Variants in ASAP1 observed in about 807,000 individuals in gnomAD.
ASAP1 encodes the protein ArfGAP with SH3 domain, ankyrin repeat and PH domain 1.
A neutral mutation model predicts 145.2 loss-of-function variants in ASAP1; 43 were observed. The ratio of observed to expected loss-of-function variants is 0.30; its 90% CI spans 0.23 to 0.38. ASAP1 has a LOEUF of 0.38. ASAP1 is among the 10% of genes least tolerant of loss of function. The pLI, the probability that ASAP1 is intolerant of heterozygous loss-of-function variation, is 1.00. For synonymous variants in ASAP1, 546 were observed against 515.5 expected, an observed-to-expected ratio of 1.06 and a Z score of -0.80; for missense variants, 1,018 against 1,355.3, an observed-to-expected ratio of 0.75 and a Z score of 3.91.
chr8:130,405,323 T>G (rs1230086278), intron 1 of ASAP1, among the ~76,000 whole-genome samples: 1 of 152,062 alleles, frequency 6.6e-6, no homozygotes, highest in Non-Finnish European at 1.5e-5. Context: ...TCCAAGACAG[T>G]GTGTGGCAGA....
chr8:130,072,814 T>TGG (rs1564927890), intron 27 of ASAP1, among the ~76,000 whole-genome samples: 2 of 27,970 alleles, frequency 7.2e-5, no homozygotes, highest in Admixed American at 5.8e-4. Flanking sequence ...TGTGTGTGTG[T>TGG]GTGTGTGTGT....
At chr8:130,365,471 G>A (rs1030833566) in intron 2 of ASAP1, among the ~76,000 whole-genome samples, 5 of 152,104 alleles carry the variant, frequency 3.3e-5, no homozygotes, top group African/African-American at 7.2e-5. Flanking sequence ...AAAAACTTGC[G>A]ATCTATAGGA....
chr8:130,289,247 A>T (rs565401574), intron 3 of ASAP1, among the ~76,000 whole-genome samples: 1 of 152,298 alleles, frequency 6.6e-6, no homozygotes, highest in East Asian at 1.9e-4. Flanking sequence ...TGTAAATAAC[A>T]TGGGAAAATG....
At chr8:130,405,897 A>G (rs1419220947) in intron 1 of ASAP1, among the ~76,000 whole-genome samples, 2 of 152,236 alleles carry the variant, frequency 1.3e-5, no homozygotes. Flanking sequence ...AAGGCATAAA[A>G]TTAAAATCAA....
chr8:130,179,207 A>G (rs934261252), intron 9 of ASAP1, 57 bp downstream of exon 9: 36 of 1,072,610 alleles, frequency 3.4e-5, no homozygotes, highest in Non-Finnish European at 4.8e-5. Flanking sequence ...AAGACAAATA[A>G]TGAAGTACAG....
chr8:130,435,834 G>A (rs1015307814), intron 1 of ASAP1, among the ~76,000 whole-genome samples: 3 of 152,216 alleles, frequency 2.0e-5, no homozygotes, highest in Non-Finnish European at 4.4e-5. Context: ...TAAAGCCTCT[G>A]GGTGTGACTG....
chr8:130,317,085 T>C (rs1823708098), intron 3 of ASAP1, among the ~76,000 whole-genome samples: 1 of 125,730 alleles, frequency 8.0e-6, no homozygotes, highest in African/African-American at 3.4e-5. Context: ...TTTCACATCA[T>C]GCTTTTTTTT....
chr8:130,311,364 T>C (rs1049773699), intron 3 of ASAP1, among the ~76,000 whole-genome samples: 8 of 152,268 alleles, frequency 5.3e-5, no homozygotes, highest in African/African-American at 1.9e-4. Flanking sequence ...CAATAGCCTA[T>C]GCTGTCTCAT....
intron 13 of ASAP1, among the ~76,000 whole-genome samples, chr8:130,150,160 G>T (rs2097642678): frequency 6.6e-6 from 1 of 152,188 alleles, no homozygotes; most frequent in African/African-American, 2.4e-5. Context: ...AAAGTAAATG[G>T]CAAAGTTGGC....
intron 5 of ASAP1, among the ~76,000 whole-genome samples, chr8:130,204,810 T>C (rs995048277): frequency 6.6e-6 from 1 of 152,118 alleles, no homozygotes; most frequent in Admixed American, 6.5e-5. Flanking sequence ...CCATGGAGAT[T>C]TGGGGGTTCA....
intron 5 of ASAP1, among the ~76,000 whole-genome samples, chr8:130,188,741 A>AAG (rs1554842806): frequency 4.8e-5 from 7 of 145,066 alleles, no homozygotes; most frequent in Middle Eastern, 3.5e-3. Context: ...AAAAAAAAAA[A>AAG]AAAAGAAAAG....
At chr8:130,229,503 A>G (rs1300095499) in intron 4 of ASAP1, among the ~76,000 whole-genome samples, 1 of 152,222 alleles carries the variant, frequency 6.6e-6, no homozygotes, top group African/African-American at 2.4e-5. Context: ...GTAGTTGTCA[A>G]GAAGGGTCTG....
chr8:130,418,705 A>T (rs568442159), intron 1 of ASAP1, among the ~76,000 whole-genome samples: 1 of 152,150 alleles, frequency 6.6e-6, no homozygotes, highest in South Asian at 2.1e-4. Flanking sequence ...CAAAAATAAC[A>T]ATATAACCTC....
At chr8:130,389,988 C>G (rs1039681937) in intron 2 of ASAP1, among the ~76,000 whole-genome samples, 1 of 152,214 alleles carries the variant, frequency 6.6e-6, no homozygotes, top group Non-Finnish European at 1.5e-5. Flanking sequence ...TCTCAAACTA[C>G]GTCTGCATCA....
intron 27 of ASAP1, among the ~76,000 whole-genome samples, chr8:130,063,912 G>A (rs140488459): frequency 6.6e-6 from 1 of 152,286 alleles, no homozygotes; most frequent in African/African-American, 2.4e-5. Flanking sequence ...TAAACATGGA[G>A]TTACCAGAGG....
At chr8:130,070,941 G>T (rs1436500708) in intron 27 of ASAP1, among the ~76,000 whole-genome samples, 4 of 12,976 alleles carry the variant, frequency 3.1e-4, no homozygotes, top group Admixed American at 9.5e-4. Flanking sequence ...GAGAGAGGGG[G>T]AGAGAGAGGG....
intron 28 of ASAP1, among the ~76,000 whole-genome samples, chr8:130,058,905 T>G (rs1384871862): frequency 2.0e-5 from 3 of 152,206 alleles, no homozygotes; most frequent in Non-Finnish European, 4.4e-5. Flanking sequence ...CTGGCAGAAC[T>G]GTGGCAGTGA....
intron 1 of ASAP1, among the ~76,000 whole-genome samples, chr8:130,423,067 T>C (rs1037132208): frequency 3.9e-5 from 6 of 152,162 alleles, no homozygotes; most frequent in Admixed American, 2.0e-4. Flanking sequence ...AATTGCGCCA[T>C]TGGTTTCGGT....
chr8:130,424,256 C>A (rs564483978), intron 1 of ASAP1, among the ~76,000 whole-genome samples: 1 of 152,324 alleles, frequency 6.6e-6, no homozygotes, highest in East Asian at 1.9e-4. Context: ...CAAACTCAGT[C>A]AACCAGAATT....
Sources: allele counts gnomAD v4.1 joint callset (sites outside exome capture counted in the v4.1 genomes callset), GRCh38; gene constraint gnomAD v4.1.1; transcripts MANE v1.5; gene names NCBI Gene and HGNC (gene_info 2026-07-23, HGNC 2026-07-21).